The following ERICH6B variants were observed in gnomAD, a reference collection of about 807,000 sequenced individuals.
The protein encoded by ERICH6B is glutamate rich 6B, also known as glutamate-rich protein 6B.
A neutral mutation model predicts 80.0 loss-of-function variants in ERICH6B; 69 were observed. That is an observed-to-expected ratio of 0.86 (90% CI 0.71 to 1.05). The LOEUF (loss-of-function observed/expected upper bound fraction) is 1.05. ERICH6B is among the 50% of genes least tolerant of loss of function. ERICH6B has a pLI of 0.00. For missense variants in ERICH6B, 754 were observed against 796.1 expected, an observed-to-expected ratio of 0.95 and a Z score of 0.64; for synonymous variants, 283 against 291.9, an observed-to-expected ratio of 0.97 and a Z score of 0.31.
chr13:45,577,070 T>G (rs1056919328), intron 7 of ERICH6B, among the ~76,000 whole-genome samples: 5 of 151,528 alleles, frequency 3.3e-5, no homozygotes, highest in African/African-American at 1.2e-4. Flanking sequence ...CAAATTCGAG[T>G]GGTAGCTCTG....
At chr13:45,564,623 G>A (rs1264549212) in intron 9 of ERICH6B, among the ~76,000 whole-genome samples, 1 of 152,216 alleles carries the variant, frequency 6.6e-6, no homozygotes, top group Non-Finnish European at 1.5e-5. Context: ...TCCCTTATTC[G>A]TACCCTAGAA....
intron 1 of ERICH6B, among the ~76,000 whole-genome samples, chr13:45,612,540 T>C (rs906121756): frequency 6.6e-6 from 1 of 152,138 alleles, no homozygotes; most frequent in African/African-American, 2.4e-5. Flanking sequence ...CATGAGAGAA[T>C]TGGGCAGTCC....
chr13:45,577,104 C>T (rs762530526), intron 7 of ERICH6B, among the ~76,000 whole-genome samples: 10 of 151,852 alleles, frequency 6.6e-5, no homozygotes, highest in African/African-American at 2.2e-4. Flanking sequence ...GGGCCACTTC[C>T]GGCATGTCAC....
At chr13:45,543,014 A>T (rs1363835786) in intron 14 of ERICH6B, among the ~76,000 whole-genome samples, 1 of 152,004 alleles carries the variant, frequency 6.6e-6, no homozygotes, top group African/African-American at 2.4e-5. Flanking sequence ...TTATCAGCCC[A>T]CTTCTCCATC....
In ERICH6B at chr13:45,580,588, C is replaced by A. The variant is rs1489319167; in HGVS notation, c.919+15G>T. On this transcript the variant is annotated intron_variant, in intron 6 of 14. Transcript: ENST00000298738. ...CTAACTTCTACAGATCATTTAAAAT[C>A]ATCATAAACTTTACCTTCCGGAGCC... 1 of 1,551,284 alleles carries A rather than the reference C, an allele frequency of 6.4e-7. No individual in the cohort carries two copies.
At chr13:45,550,630 A>G (rs1210296143) in intron 11 of ERICH6B, among the ~76,000 whole-genome samples, 1 of 152,154 alleles carries the variant, frequency 6.6e-6, no homozygotes, top group African/African-American at 2.4e-5. Context: ...ATTTAATCTC[A>G]CTATTGTGGA....
At chr13:45,547,592 T>C (rs555891966) in intron 13 of ERICH6B, among the ~76,000 whole-genome samples, 1 of 152,296 alleles carries the variant, frequency 6.6e-6, no homozygotes, top group African/African-American at 2.4e-5. Flanking sequence ...ATAAGATGTA[T>C]GAAGAAGCAC....
chr13:45,570,122 G>T (rs1875089816), intron 8 of ERICH6B, among the ~76,000 whole-genome samples: 1 of 152,158 alleles, frequency 6.6e-6, no homozygotes. Context: ...GTCTTATGGG[G>T]TTTATTCCAT....
At chr13:45,573,480 C>T (rs77653908) in intron 8 of ERICH6B, among the ~76,000 whole-genome samples, 5,514 of 152,198 alleles carry the variant, frequency 0.036, 219 homozygotes, top group African/African-American at 0.1. Context: ...TTTCCTACTT[C>T]AATATTTTAA....
chr13:45,595,201 C>T (rs963232760), intron 3 of ERICH6B, among the ~76,000 whole-genome samples: 17 of 152,126 alleles, frequency 1.1e-4, no homozygotes, highest in Admixed American at 7.9e-4. Context: ...AAATAGAGAT[C>T]TCTGATAAAG....
At chr13:45,543,497 G>A (rs1328592365) in intron 14 of ERICH6B, among the ~76,000 whole-genome samples, 4 of 152,184 alleles carry the variant, frequency 2.6e-5, no homozygotes, top group Non-Finnish European at 5.9e-5. Context: ...AAAAGACGAG[G>A]TTTGACACAG....
intron 7 of ERICH6B, among the ~76,000 whole-genome samples, chr13:45,577,276 CTTT>C (rs34244794): frequency 2.4e-3 from 205 of 86,046 alleles, no homozygotes; most frequent in Non-Finnish European, 3.8e-3. Flanking sequence ...AAAAACAAAT[CTTT>C]TTTTTTTTTT....
At chr13:45,583,780 C>A (rs533847365) in intron 5 of ERICH6B, among the ~76,000 whole-genome samples, 3 of 152,294 alleles carry the variant, frequency 2.0e-5, no homozygotes, top group African/African-American at 7.2e-5. Flanking sequence ...GTAAGATGTG[C>A]CTTTCCCTTC....
At chr13:45,557,780 A>C (rs1874501115) in intron 11 of ERICH6B, among the ~76,000 whole-genome samples, 1 of 152,084 alleles carries the variant, frequency 6.6e-6, no homozygotes, top group African/African-American at 2.4e-5. Flanking sequence ...ATTCTGTTCC[A>C]TTGGTCTATG....
At chr13:45,552,509 G>C (rs997778189) in intron 11 of ERICH6B, among the ~76,000 whole-genome samples, 3 of 151,254 alleles carry the variant, frequency 2.0e-5, no homozygotes, top group African/African-American at 4.9e-5. Flanking sequence ...GGTGTTTGCA[G>C]CAGGAAGGCT....
intron 8 of ERICH6B, among the ~76,000 whole-genome samples, chr13:45,570,158 A>T (rs1875091050): frequency 6.6e-6 from 1 of 152,168 alleles, no homozygotes; most frequent in Non-Finnish European, 1.5e-5. Flanking sequence ...ACAGAGTGGA[A>T]CTATCCCTAT....
intron 9 of ERICH6B, among the ~76,000 whole-genome samples, chr13:45,564,842 G>A (rs1169229028): frequency 6.6e-6 from 1 of 152,220 alleles, no homozygotes; most frequent in African/African-American, 2.4e-5. Context: ...ACTCCAGTGA[G>A]GGGATCTAGC....
At chr13:45,567,156 C>G (rs1267161796) in intron 9 of ERICH6B, among the ~76,000 whole-genome samples, 1 of 152,228 alleles carries the variant, frequency 6.6e-6, no homozygotes, top group Non-Finnish European at 1.5e-5. Flanking sequence ...TGTATTCATC[C>G]AATGCCTGTA....
chr13:45,572,054 A>G lies in ERICH6B; in HGVS notation c.1050+2788T>C, dbSNP rs556314786. ...AAACTAATACAGATTCCAAATAAAA[A>G]TCTTTAGCCAAGAGCTTTCTCCCAG... On this transcript the variant is annotated intron_variant, in intron 8 of 14. Coordinates refer to ENST00000298738, the MANE Select transcript of ERICH6B (RefSeq NM_182542.3). 1.8e-4 allele frequency among the ~76,000 whole-genome samples: 28 copies of G among 152,354 alleles called. No homozygotes were observed. The South Asian group carries it at 5.6e-3, about 30-fold the overall frequency.
Sources: allele counts gnomAD v4.1 joint callset (sites outside exome capture counted in the v4.1 genomes callset), GRCh38; gene constraint gnomAD v4.1.1; transcripts MANE v1.5; gene names NCBI Gene and HGNC (gene_info 2026-07-23, HGNC 2026-07-21).